WDR25: variants seen among roughly 807,000 people sequenced by gnomAD.
The protein encoded by WDR25 is WD repeat domain 25, also known as WD repeat-containing protein 25.
A neutral mutation model predicts 47.7 loss-of-function variants in WDR25; 35 were observed. The ratio of observed to expected loss-of-function variants is 0.73; its 90% CI spans 0.56 to 0.97. The LOEUF is 0.97. Among genes scored for constraint, WDR25 ranks in the 50% least tolerant of loss-of-function variants. The probability of loss-of-function intolerance (pLI) is 0.00; values close to 1 mark genes in which losing one functional copy is unlikely to be tolerated. For synonymous variants in WDR25, 248 were observed against 278.9 expected (o/e 0.89, Z 1.10); for missense variants, 634 against 704.7 (o/e 0.90, Z 1.14).
At chr14:100,386,669 G>A (rs917098949) in intron 2 of WDR25, among the ~76,000 whole-genome samples, 3 of 152,108 alleles carry the variant, frequency 2.0e-5, no homozygotes, top group East Asian at 1.9e-4. Context: ...CGAGGCAGGC[G>A]GATCACGAGG....
rs1360577056 is a variant in WDR25, at chr14:100,437,616, A to G, written c.823-30405A>G. Among the ~76,000 whole-genome samples, 5 of 152,142 alleles carry G rather than the reference A, an allele frequency of 3.3e-5. 1 individual carries two copies. Among genetic ancestry groups the G allele is most frequent in the Admixed American group, 6.5e-5 (1 of 15,284 alleles). On this transcript the variant is annotated intron_variant, in intron 2 of 6. Transcript: ENST00000402312. ...GATGACATGTGTCCAGCACCCAGAC[A>G]CTTGGGCATTGGTTGCCATTATTAT...
intron 4 of WDR25, among the ~76,000 whole-genome samples, chr14:100,509,442 C>G (rs1440854041): frequency 2.0e-5 from 3 of 152,102 alleles, no homozygotes; most frequent in South Asian, 4.1e-4. Context: ...GGTATCACTA[C>G]CCCCCAGGCT....
Position 100,385,054 on chromosome 14 carries a change from G to A in WDR25, c.822+3308G>A, listed in dbSNP as rs149491165. On this transcript the variant is annotated intron_variant, in intron 2 of 6. Coordinates refer to ENST00000402312, the MANE Select transcript of WDR25 (RefSeq NM_001161476.3). Reference sequence around the variant, plus strand: ...GGCACATAGCAGGCACTTAGTGTGTGCTCGAGTTCCTGCTTTTCCCCAAGA... The same window carrying A: ...GGCACATAGCAGGCACTTAGTGTGTACTCGAGTTCCTGCTTTTCCCCAAGA... Among the ~76,000 whole-genome samples the A allele has an allele frequency of 7.9e-5, 12 of 152,298 alleles. No homozygotes were observed. The East Asian group carries it at 2.3e-3, about 29-fold the overall frequency.
chr14:100,420,225 C>T (rs919040023), intron 2 of WDR25, among the ~76,000 whole-genome samples: 6 of 152,274 alleles, frequency 3.9e-5, no homozygotes, highest in African/African-American at 1.4e-4. Flanking sequence ...CTGGCAACCC[C>T]TTCCCCCACT....
chr14:100,462,990 C>T (rs1438749984), intron 2 of WDR25, among the ~76,000 whole-genome samples: 1 of 49,808 alleles, frequency 2.0e-5, no homozygotes, highest in African/African-American at 1.4e-4. Flanking sequence ...TTTCCCTTCT[C>T]CCCTTCTCTT....
chr14:100,480,601 A>G (rs1460413529), intron 3 of WDR25, among the ~76,000 whole-genome samples: 1 of 152,176 alleles, frequency 6.6e-6, no homozygotes, highest in Non-Finnish European at 1.5e-5. Flanking sequence ...TTTTGTTTCC[A>G]TTGTTATGTG....
At chr14:100,460,644 G>A (rs75052281) in intron 2 of WDR25, among the ~76,000 whole-genome samples, 223 of 151,982 alleles carry the variant, frequency 1.5e-3, no homozygotes, top group African/African-American at 5.3e-3. Context: ...ACATTCATTA[G>A]TGATTAAAAA....
intron 2 of WDR25, chr14:100,454,360 G>T: frequency 7.8e-7 from 1 of 1,286,314 alleles, no homozygotes; most frequent in Non-Finnish European, 1.0e-6. Context: ...GTATGTGTAT[G>T]GCAGGTGTGA....
chr14:100,450,194 G>A (rs1898978873), intron 2 of WDR25, among the ~76,000 whole-genome samples: 1 of 152,220 alleles, frequency 6.6e-6, no homozygotes, highest in Middle Eastern at 3.2e-3. Flanking sequence ...AGCCCTGGGT[G>A]ACCTGCGTTT....
intron 4 of WDR25, among the ~76,000 whole-genome samples, chr14:100,513,553 A>T (rs966359469): frequency 6.6e-6 from 1 of 152,198 alleles, no homozygotes; most frequent in Non-Finnish European, 1.5e-5. Context: ...TGTCTCTAAG[A>T]GTGGATTTGT....
intron 2 of WDR25, among the ~76,000 whole-genome samples, chr14:100,459,894 GTA>G (rs61706956): frequency 0.077 from 5,899 of 77,020 alleles, 230 homozygotes; most frequent in Middle Eastern, 0.12. Flanking sequence ...GTGTGTGTGT[GTA>G]TATATATATA....
chr14:100,529,923 GC>G lies in WDR25; in HGVS notation c.1519del (p.Arg507GlufsTer34). ...CTGATGTACAGCTTCCGCACAGCCAGCCGAGCATGCACACTGCAGGGGCACA... is the reference window on the plus strand; with the variant it reads ...CTGATGTACAGCTTCCGCACAGCCAGCGAGCATGCACACTGCAGGGGCACA... ...RVLMYSFRTASRACTLQGHTQ... is the reference protein window; with the variant it reads ...RVLMYSFRTAXRACTLQGHTQ... On this transcript the variant is annotated frameshift_variant, in exon 7 of 7. Coordinates refer to ENST00000402312, the MANE Select transcript of WDR25 (RefSeq NM_001161476.3). LOFTEE classifies it high-confidence loss of function. This position sits in a 1 kb window ranked among gnomAD's most constrained non-coding sequence, Gnocchi z 5.1. 1 of 1,613,488 alleles carries G rather than the reference GC, an allele frequency of 6.2e-7. No individual in the cohort carries two copies. Among genetic ancestry groups the G allele is most frequent in the East Asian group, 2.2e-5 (1 of 44,876 alleles).
In WDR25 at chr14:100,514,836, G is replaced by A. The variant is rs545744000; in HGVS notation, c.1102-11034G>A. Among the ~76,000 whole-genome samples, 166 of 152,094 alleles carry A rather than the reference G, an allele frequency of 1.1e-3. No individual in the cohort carries two copies. The Middle Eastern group carries it at 0.014, about 12-fold the overall frequency. ...ATTTTTGGGTGTAAATTTAGATCTG[G>A]TATCATTTTCTTTGTGCCTTAAGGA... On this transcript the variant is annotated intron_variant, in intron 4 of 6. Coordinates refer to ENST00000402312, the MANE Select transcript of WDR25 (RefSeq NM_001161476.3).
chr14:100,489,434 CTA>C (rs1374623283), intron 4 of WDR25, among the ~76,000 whole-genome samples: 1 of 152,170 alleles, frequency 6.6e-6, no homozygotes, highest in Non-Finnish European at 1.5e-5. Context: ...TTTAAGATGA[CTA>C]TGTATTTTGA....
intron 3 of WDR25, among the ~76,000 whole-genome samples, chr14:100,478,539 T>G (rs1454777392): frequency 6.6e-6 from 1 of 152,244 alleles, no homozygotes. Context: ...ATCCAGAAAC[T>G]TACTAAAAAA....
At chr14:100,471,714 T>C (rs1229691416) in intron 3 of WDR25, among the ~76,000 whole-genome samples, 1 of 152,228 alleles carries the variant, frequency 6.6e-6, no homozygotes, top group African/African-American at 2.4e-5. Context: ...GTGTCCTCAA[T>C]CAATACAGTT....
At chr14:100,397,607 T>A (rs1448971062) in intron 2 of WDR25, among the ~76,000 whole-genome samples, 3 of 152,160 alleles carry the variant, frequency 2.0e-5, no homozygotes, top group Non-Finnish European at 4.4e-5. Flanking sequence ...TAAGGTGCTC[T>A]GGGGCATAAA....
At chr14:100,478,609 T>C (rs1018249163) in intron 3 of WDR25, among the ~76,000 whole-genome samples, 2 of 152,266 alleles carry the variant, frequency 1.3e-5, no homozygotes, top group Admixed American at 1.3e-4. Flanking sequence ...GGCCTAGTTA[T>C]TATAAGTACA....
chr14:100,520,427 C>CT (rs746302164), intron 4 of WDR25, among the ~76,000 whole-genome samples: 4 of 152,080 alleles, frequency 2.6e-5, no homozygotes, highest in Non-Finnish European at 5.9e-5. Flanking sequence ...ACTGAAAACA[C>CT]TTTAAGATTT....
Sources: allele counts gnomAD v4.1 joint callset (sites outside exome capture counted in the v4.1 genomes callset), GRCh38; gene constraint gnomAD v4.1.1; non-coding constraint Gnocchi (gnomAD v3.1); transcripts MANE v1.5; gene names NCBI Gene and HGNC (gene_info 2026-07-23, HGNC 2026-07-21).